Variants in IGSF9B observed in about 807,000 individuals in gnomAD.
IGSF9B encodes the protein immunoglobulin superfamily member 9B.
IGSF9B carries 48 observed loss-of-function variants against 143.7 expected under a neutral mutation model. The ratio of observed to expected loss-of-function variants is 0.33; its 90% CI spans 0.26 to 0.42. The LOEUF (loss-of-function observed/expected upper bound fraction) is 0.42. Ranked by LOEUF, IGSF9B falls within the 20% of genes least tolerant of loss-of-function variation. IGSF9B has a pLI of 1.00. For synonymous variants in IGSF9B, 903 were observed against 833.1 expected (o/e 1.08, Z -1.44); for missense variants, 1,706 against 1,980.0 (o/e 0.86, Z 2.63).
rs1459403511 is a variant in IGSF9B, at chr11:133,896,921, G to A, written c.*12148C>T. On this transcript the variant is annotated 3_prime_UTR_variant, in exon 20 of 20. Coordinates refer to ENST00000533871, the MANE Select transcript of IGSF9B (RefSeq NM_001277285.4). The stretch of plus-strand genomic sequence containing the variant: ...TCATCTCCAGCGGGGTCTTCTCAGT[G>A]TTTGGGAAGAAGGGGCAGGGCAGTC... 3 of 152,522 alleles carry A rather than the reference G, an allele frequency of 2.0e-5. No individual in the cohort carries two copies. Among genetic ancestry groups the A allele is most frequent in the South Asian group, 2.1e-4 (1 of 4,832 alleles). 9.4% of individuals were successfully genotyped at this position (152,522 alleles called of 1,614,324 possible).
At position 133,936,178 on chromosome 11, in the gene IGSF9B, G is replaced by A. The variant is rs1158265920; in HGVS notation, c.696C>T (p.Val232=). The A allele has an allele frequency of 2.2e-5, 35 of 1,610,804 alleles. No homozygotes were observed. The highest frequency in any genetic ancestry group is 2.9e-5 in the Non-Finnish European group (34 of 1,178,716). Residue 232 remains valine, a synonymous_variant, in exon 6 of 20, where the codon GTC becomes GTT. Coordinates refer to ENST00000533871, the MANE Select transcript of IGSF9B (RefSeq NM_001277285.4). ...HLLVQGPPFI[V]SPPENITVNI... is the part of the protein sequence containing the mutation. ...TGACGGTGATGTTCTCAGGAGGGGA[G>A]ACGATGAAAGGGGGCCCTGGGGAGA... is the stretch of plus-strand genomic sequence containing the variant.
Position 133,929,743 on chromosome 11 carries a change from A to C in IGSF9B, c.1559T>G (p.Val520Gly). ...PHAPGSVRVQ[V>G]SMTTANVSWE... ...GGACACGTTGGCAGTTGTCATGGAGACCTGGACCCGGACACTGCCCGGGGC... is the reference window on the plus strand; with the variant it reads ...GGACACGTTGGCAGTTGTCATGGAGCCCTGGACCCGGACACTGCCCGGGGC... The change falls in exon 12 of 20, where the codon GTC becomes GGC. Residue 520 changes from valine (V) to glycine (G), a missense_variant. Physicochemically the swap from Val to Gly is moderately radical, Grantham distance 109 (BLOSUM62 -3). Coordinates refer to ENST00000533871, the MANE Select transcript of IGSF9B (RefSeq NM_001277285.4). 4 of 1,613,838 alleles carry C rather than the reference A, an allele frequency of 2.5e-6. No individual in the cohort carries two copies. The East Asian group carries it at 8.9e-5, about 36-fold the overall frequency.
Position 133,920,917 on chromosome 11 carries a change from C to T in IGSF9B, c.2808G>A (p.Gly936=). Residue 936 remains glycine (G), a synonymous_variant, in exon 18 of 20, where the codon GGG becomes GGA. Coordinates refer to ENST00000533871, the MANE Select transcript of IGSF9B (RefSeq NM_001277285.4). ...CTTCCAGGCCACCGGGGCCCTCCAG[C>T]CCGCGGGGCTGGAACCGAGGGCTGT... ...PAYSPRFQPR[G]LEGPGGLEGR... The T allele has an allele frequency of 1.2e-6, 2 of 1,609,366 alleles. No individual in the cohort carries two copies. Among genetic ancestry groups the T allele is most frequent in the Non-Finnish European group, 8.5e-7 (1 of 1,178,306 alleles).
At position 133,919,966 on chromosome 11, in the gene IGSF9B, C is replaced by T. The variant is rs761141766; in HGVS notation, c.3759G>A (p.Pro1253=). The change falls in exon 18 of 20, where the codon CCG becomes CCA. Residue 1253 remains proline, a synonymous_variant. Coordinates refer to ENST00000533871, the MANE Select transcript of IGSF9B (RefSeq NM_001277285.4). ...TGCTCTGGGAGGGGGAGCCTGTGGA[C>T]GGCGTAGACTTTCGAGAAAAGCTGA... ...AAVSFSRKST[P]STGSPSQSSR... 4 of 1,564,824 alleles carry T rather than the reference C, an allele frequency of 2.6e-6. No individual in the cohort carries two copies. The highest frequency in any genetic ancestry group is 1.9e-5 in the Admixed American group (1 of 51,754).
In IGSF9B at chr11:133,937,512, G is replaced by C; in HGVS notation, c.562-19C>G. ...CACTCACCTGGGAGCCCAAAACAGA[G>C]GGAGCTCAGCACCCACGCTCACACC... On this transcript the variant is annotated intron_variant, in intron 4 of 19. Transcript: ENST00000533871. 1 of 1,594,862 alleles carries C rather than the reference G, an allele frequency of 6.3e-7. No individual in the cohort carries two copies. The highest frequency in any genetic ancestry group is 8.6e-7 in the Non-Finnish European group (1 of 1,163,826).
Position 133,903,923 on chromosome 11 carries a change from G to T in IGSF9B, c.*5146C>A, listed in dbSNP as rs1939176754. Among the ~76,000 whole-genome samples the T allele has an allele frequency of 6.6e-6, 1 of 152,174 alleles. No individual in the cohort carries two copies. The highest frequency in any genetic ancestry group is 1.5e-5 in the Non-Finnish European group (1 of 68,050). On this transcript the variant is annotated 3_prime_UTR_variant, in exon 20 of 20. Transcript: ENST00000533871. ...CCTTGGTTTACTGACTTCTTCTAAA[G>T]AAGAGATTTTTCATTCTGCCTCTTA...
intron 18 of IGSF9B, 34 bp downstream of exon 18, chr11:133,919,708 C>A: frequency 1.5e-6 from 2 of 1,302,624 alleles, no homozygotes; most frequent in Non-Finnish European, 2.0e-6. Context: ...GGAAGTTGCC[C>A]AGGTGCGGGT....
At position 133,930,968 on chromosome 11, in the gene IGSF9B, C is replaced by G. The variant is rs1377448112; in HGVS notation, c.1519+16G>C. 1.2e-6 allele frequency: 2 copies of G among 1,600,598 alleles called. No individual in the cohort carries two copies. The highest frequency in any genetic ancestry group is 1.7e-4 in the Middle Eastern group (1 of 5,932). On this transcript the variant is annotated intron_variant, in intron 11 of 19. Transcript: ENST00000533871. ...CTCTGTCCCCGCCGCCCGGCCCAGC[C>G]TTGCCGGCCACGTACCGATGACGGT...
intron 19 of IGSF9B, among the ~76,000 whole-genome samples, chr11:133,910,885 G>C (rs1591706939): frequency 6.6e-6 from 1 of 152,258 alleles, no homozygotes; most frequent in African/African-American, 2.4e-5. Flanking sequence ...TGAAAATGCA[G>C]CTTTGAGCTC....
chr11:133,936,411 C>T (rs1182753454), intron 5 of IGSF9B, among the ~76,000 whole-genome samples: 2 of 152,282 alleles, frequency 1.3e-5, no homozygotes, highest in East Asian at 1.9e-4. Context: ...GCCACGCACA[C>T]CCCCTTCCTG....
At position 133,905,730 on chromosome 11, in the gene IGSF9B, G is replaced by A. The variant is rs1939201929; in HGVS notation, c.*3339C>T. On this transcript the variant is annotated 3_prime_UTR_variant, in exon 20 of 20. Transcript: ENST00000533871. The surrounding 1 kb of genome is among the most constrained non-coding windows in gnomAD (Gnocchi z 4.0). ...GCCTGTCCTACCCCCAGTCTCTCCAGGGAAGCTGCTTAGAGGCAGACTGGC... is the reference window on the plus strand; with the variant it reads ...GCCTGTCCTACCCCCAGTCTCTCCAAGGAAGCTGCTTAGAGGCAGACTGGC... Among the ~76,000 whole-genome samples, 1 of 152,190 alleles carries A rather than the reference G, an allele frequency of 6.6e-6. No homozygotes were observed. The highest frequency in any genetic ancestry group is 6.5e-5 in the Admixed American group (1 of 15,290).
At position 133,931,633 on chromosome 11, in the gene IGSF9B, C is replaced by T. The variant is rs1027146386; in HGVS notation, c.1251+22G>A. ...ATCCAGGTGCCCAGCTCATGGAGGC[C>T]GTCACAGCCCTGGGACCTCACCTTC... On this transcript the variant is annotated intron_variant, in intron 9 of 19. Coordinates refer to ENST00000533871, the MANE Select transcript of IGSF9B (RefSeq NM_001277285.4). The surrounding 1 kb of genome is among the most constrained non-coding windows in gnomAD (Gnocchi z 7.7). The T allele has an allele frequency of 3.7e-6, 6 of 1,607,444 alleles. No homozygotes were observed. The highest frequency in any genetic ancestry group is 3.4e-5 in the Admixed American group (2 of 59,436).
chr11:133,934,018 T>G (rs185799705), intron 7 of IGSF9B, among the ~76,000 whole-genome samples: 1 of 152,186 alleles, frequency 6.6e-6, no homozygotes, highest in Admixed American at 6.5e-5. Context: ...TTCAAAGCGT[T>G]TATGAATGGG....
At position 133,937,976 on chromosome 11, in the gene IGSF9B, A is replaced by G. The variant is rs755660002; in HGVS notation, c.410-15T>C. The G allele has an allele frequency of 6.2e-7, 1 of 1,612,604 alleles. No individual in the cohort carries two copies. Among genetic ancestry groups the G allele is most frequent in the South Asian group, 1.1e-5 (1 of 90,772 alleles). On this transcript the variant is annotated splice_polypyrimidine_tract_variant and intron_variant, in intron 3 of 19. Coordinates refer to ENST00000533871, the MANE Select transcript of IGSF9B (RefSeq NM_001277285.4). ...GGTGGGAGGGGCTGCAAAGGAGACCACAAAGATGAAGGACACGCCATCAGC... is the reference window on the plus strand; with the variant it reads ...GGTGGGAGGGGCTGCAAAGGAGACCGCAAAGATGAAGGACACGCCATCAGC...
intron 1 of IGSF9B, among the ~76,000 whole-genome samples, chr11:133,955,789 C>A (rs1940239587): frequency 6.6e-6 from 1 of 152,222 alleles, no homozygotes; most frequent in Non-Finnish European, 1.5e-5. Context: ...CATCACCCAA[C>A]TCGGTGGCTC....
rs145987227 is a variant in IGSF9B, at chr11:133,909,694, G to T, written c.4106-417C>A. Among the ~76,000 whole-genome samples the T allele has an allele frequency of 1.3e-5, 2 of 152,146 alleles. No homozygotes were observed. Among genetic ancestry groups the T allele is most frequent in the Non-Finnish European group, 2.9e-5 (2 of 68,030 alleles). ...ACCGACTTTATACAAGATTTTAATC[G>T]CATGCAACGGTCAGGCCTTGACCCT... On this transcript the variant is annotated intron_variant, in intron 19 of 19. Coordinates refer to ENST00000533871, the MANE Select transcript of IGSF9B (RefSeq NM_001277285.4). This position sits in a 1 kb window ranked among gnomAD's most constrained non-coding sequence, Gnocchi z 4.2.
intron 3 of IGSF9B, among the ~76,000 whole-genome samples, chr11:133,941,672 A>G (rs1011052042): frequency 6.6e-6 from 1 of 152,176 alleles, no homozygotes; most frequent in African/African-American, 2.4e-5. Context: ...AGCGTCTTTT[A>G]TTATCAGCCC....
At position 133,898,456 on chromosome 11, in the gene IGSF9B, T is replaced by C. The variant is rs1178340077; in HGVS notation, c.*10613A>G. 1.9e-5 allele frequency: 3 copies of C among 154,210 alleles called. No individual in the cohort carries two copies. The allele number at this position is 154,210 out of a possible 1,614,324, so 9.6% of individuals were successfully genotyped here. The stretch of plus-strand genomic sequence containing the variant: ...GCCCCCAGGTGTGCGATGGGAGAAT[T>C]CTATCCTGCATGATCAAAGTCCCTC... On this transcript the variant is annotated 3_prime_UTR_variant, in exon 20 of 20. Coordinates refer to ENST00000533871, the MANE Select transcript of IGSF9B (RefSeq NM_001277285.4).
At chr11:133,936,224 C>T (rs770510722) in intron 5 of IGSF9B, 30 bp from the exon 6 acceptor site, 31 of 1,594,718 alleles carry the variant, frequency 1.9e-5, no homozygotes, top group Admixed American at 3.5e-5. Flanking sequence ...AACCCCACCT[C>T]GCCTGATCAG....
Sources: gnomAD v4.1 joint callset for allele counts (sites outside exome capture counted in the v4.1 genomes callset) on GRCh38, gnomAD v4.1.1 for gene constraint, Gnocchi (gnomAD v3.1) non-coding constraint, MANE v1.5 for transcripts, NCBI Gene and HGNC (gene_info 2026-07-23, HGNC 2026-07-21) for gene names.